SLC25A35: variants seen among roughly 807,000 people sequenced by gnomAD.
The protein encoded by SLC25A35 is solute carrier family 25, member 35.
In SLC25A35, 32 loss-of-function variants were observed where a neutral mutation model predicts 30.5. That is an observed-to-expected ratio of 1.05 (90% CI 0.79 to 1.41). The LOEUF (loss-of-function observed/expected upper bound fraction) is 1.41, where lower values mean the gene tolerates loss of function less well. SLC25A35 is among the 40% of genes most tolerant of loss of function. The pLI, the probability that SLC25A35 is intolerant of heterozygous loss-of-function variation, is 0.00. For missense variants in SLC25A35, 369 were observed against 388.0 expected (o/e 0.95, Z 0.41); for synonymous variants, 142 against 158.1 (o/e 0.90, Z 0.77).
rs1990375333 is a variant in SLC25A35 at position 8,290,193 on chromosome 17, G to C, written c.*312C>G. 1.4e-5 allele frequency: 20 copies of C among 1,430,254 alleles called. No individual in the cohort carries two copies. Among genetic ancestry groups the C allele is most frequent in the Admixed American group, 2.9e-5 (1 of 34,826 alleles). 88.6% of individuals were successfully genotyped at this position (1,430,254 alleles called of 1,614,324 possible). The stretch of plus-strand genomic sequence containing the variant: ...TTTGGAGGGAGGAGTTTAAAACTGT[G>C]CATGGGAGCAGGAGGGACTCAAGGG... On this transcript the variant is annotated 3_prime_UTR_variant, in exon 5 of 5. Transcript: ENST00000577745.
downstream of SLC25A35, chr17:8,289,354 C>A (rs1055325630): frequency 1.9e-6 from 3 of 1,614,134 alleles, no homozygotes; most frequent in South Asian, 3.3e-5. Context: ...CCCTGAGGGG[C>A]CGCTGTCAAG....
rs1370040522 is a variant in SLC25A35, at chr17:8,295,372, G to A, written c.-565C>T. On this transcript the variant is annotated 5_prime_UTR_variant, in exon 1 of 5. Transcript: ENST00000577745. Reference sequence around the variant, plus strand: ...GTAGCTTCAACCCCGGGTAGCCTGCGGAGGCCGGGCCGCCACACTCCTGCC... The same window carrying A: ...GTAGCTTCAACCCCGGGTAGCCTGCAGAGGCCGGGCCGCCACACTCCTGCC... The A allele has an allele frequency of 6.1e-6, 6 of 985,606 alleles. No individual in the cohort carries two copies. The highest frequency in any genetic ancestry group is 6.1e-5 in the Admixed American group (1 of 16,268). The allele number at this position is 985,606 out of a possible 1,614,324, so 61.1% of individuals were successfully genotyped here.
chr17:8,289,310 G>A (rs1990292207), downstream of SLC25A35: 3 of 1,614,016 alleles, frequency 1.9e-6, no homozygotes, highest in Admixed American at 1.7e-5. Context: ...TGTCCATGTG[G>A]AGTCTGTTCA....
At position 8,294,664 on chromosome 17, in the gene SLC25A35, A is replaced by G. The variant is rs367552065; in HGVS notation, c.144T>C (p.His48=). 1.9e-6 allele frequency: 3 copies of G among 1,614,088 alleles called. No homozygotes were observed. The highest frequency in any genetic ancestry group is 1.3e-5 in the African/African-American group (1 of 74,940). Residue 48 remains histidine (H), a synonymous_variant, in exon 1 of 5, where the codon CAT becomes CAC. Coordinates refer to ENST00000577745, the MANE Select transcript of SLC25A35 (RefSeq NM_001320870.2). Reference sequence around the variant, plus strand: ...CCACCTTGCCGATGGTGATGAAGGCATGGAAGACATTTCGGTAGTGCCGCT... The same window carrying G: ...CCACCTTGCCGATGGTGATGAAGGCGTGGAAGACATTTCGGTAGTGCCGCT... The part of the protein sequence containing the change: ...TYQRHYRNVF[H]AFITIGKVDG...
intron 2 of SLC25A35, 30 bp from the exon 3 acceptor site, chr17:8,291,515 C>A: frequency 6.3e-7 from 1 of 1,582,356 alleles, no homozygotes; most frequent in Non-Finnish European, 8.6e-7. Context: ...GGGTGGGGTT[C>A]AGACAGCCCA....
chr17:8,289,382 G>A (rs1158207303), downstream of SLC25A35: 1 of 1,614,128 alleles, frequency 6.2e-7, no homozygotes. Context: ...GGTCCTCTCT[G>A]GCAAGCAGCA....
At position 8,294,539 on chromosome 17, in the gene SLC25A35, C is replaced by T. The variant is rs750415930; in HGVS notation, c.269G>A (p.Gly90Glu). 9 of 1,613,898 alleles carry T rather than the reference C, an allele frequency of 5.6e-6. No homozygotes were observed. In the East Asian group the frequency reaches 2.0e-4, roughly 36 times the overall value. ...GCCTTCGGCTGTGTGCAGGTAGCCC[C>T]CAGCCTCAGCCAGCCCATAGGTGCC... ...RLGTYGLAEAGGYLHTAEGTH... is the reference protein window; with the variant it reads ...RLGTYGLAEAEGYLHTAEGTH... Residue 90 changes from glycine to glutamate, a missense_variant, in exon 1 of 5, where the codon GGG (glycine) becomes GAG (glutamate). Transcript: ENST00000577745.
intron 1 of SLC25A35, among the ~76,000 whole-genome samples, chr17:8,293,276 T>A (rs1369398185): frequency 6.6e-6 from 1 of 152,186 alleles, no homozygotes; most frequent in East Asian, 1.9e-4. Context: ...TTGTTAATTC[T>A]GTGATGCCCA....
rs1477970335 is a variant in SLC25A35 at position 8,291,820 on chromosome 17, C to T, written c.442-335G>A. Among the ~76,000 whole-genome samples, 4 of 152,292 alleles carry T rather than the reference C, an allele frequency of 2.6e-5. 1 individual carries two copies. The South Asian group carries it at 8.3e-4, about 32-fold the overall frequency. ...ATCCTAGCACTTTGGGAGGCCCAGG[C>T]GGGTGGATCACCTGAGGTCAGGAGT... On this transcript the variant is annotated intron_variant, in intron 2 of 4. Coordinates refer to ENST00000577745, the MANE Select transcript of SLC25A35 (RefSeq NM_001320870.2).
intron 1 of SLC25A35, among the ~76,000 whole-genome samples, chr17:8,293,930 T>G (rs199546055): frequency 2.6e-4 from 26 of 100,950 alleles, no homozygotes; most frequent in African/African-American, 4.7e-4. Flanking sequence ...TTTTTTTTTT[T>G]TGTGAGACGT....
intron 1 of SLC25A35, 45 bp from the exon 2 acceptor site, chr17:8,292,633 T>A (rs1407416517): frequency 6.3e-7 from 1 of 1,584,578 alleles, no homozygotes; most frequent in East Asian, 2.2e-5. Context: ...GTGGCCATCC[T>A]CCTACCTGAG....
At chr17:8,288,575 C>A, downstream of SLC25A35, 1 of 628,822 alleles carries the variant, frequency 1.6e-6, no homozygotes, top group Admixed American at 2.7e-5. Flanking sequence ...CCTAAGAGCG[C>A]GGCTTCCGGA....
downstream of SLC25A35, chr17:8,289,189 T>C: frequency 6.2e-7 from 1 of 1,603,896 alleles, no homozygotes; most frequent in South Asian, 1.1e-5. Flanking sequence ...GAGCCAGGCC[T>C]GCAACTTAAA....
At position 8,292,689 on chromosome 17, in the gene SLC25A35, A is replaced by G. The variant is rs551163699; in HGVS notation, c.376-101T>C. 1.2e-3 allele frequency: 1,168 copies of G among 936,928 alleles called. 31 individuals carry two copies. In the South Asian group the frequency reaches 0.015, roughly 12 times the overall value. 58.0% of individuals were successfully genotyped at this position (936,928 alleles called of 1,614,324 possible). ...CACACTTCCTCTAGGGTGTTCAGCA[A>G]TGAATAGCCTCTTACTCTGATTATT... On this transcript the variant is annotated intron_variant, in intron 1 of 4. Transcript: ENST00000577745.
downstream of SLC25A35, chr17:8,289,828 A>G: frequency 6.2e-7 from 1 of 1,614,050 alleles, no homozygotes; most frequent in Non-Finnish European, 8.5e-7. Context: ...ACAACAGGTC[A>G]TCTCTTGGCC....
downstream of SLC25A35, chr17:8,289,339 C>A (rs1215638683): frequency 1.9e-6 from 3 of 1,614,040 alleles, no homozygotes; most frequent in Non-Finnish European, 8.5e-7. Flanking sequence ...GTTTGGAGAA[C>A]CTGGCCCTGA....
Position 8,294,530 on chromosome 17 carries a change from A to C in SLC25A35, c.278T>G (p.Leu93Arg). 3.7e-6 allele frequency: 6 copies of C among 1,613,896 alleles called. No homozygotes were observed. The highest frequency in any genetic ancestry group is 5.1e-6 in the Non-Finnish European group (6 of 1,180,008). The part of the protein sequence containing the change: ...TYGLAEAGGY[L>R]HTAEGTHSPA... ...ACTGTGGGTGCCTTCGGCTGTGTGC[A>C]GGTAGCCCCCAGCCTCAGCCAGCCC... is the stretch of plus-strand genomic sequence containing the variant. Residue 93 changes from leucine to arginine, a missense_variant, in exon 1 of 5, where the codon CTG becomes CGG. Physicochemically the swap from Leu to Arg is moderately radical, Grantham distance 102. Transcript: ENST00000577745.
intron 1 of SLC25A35, 46 bp downstream of exon 1, chr17:8,294,384 TACA>T (rs776028016): frequency 5.7e-5 from 86 of 1,508,732 alleles, no homozygotes; most frequent in Non-Finnish European, 7.4e-5. Flanking sequence ...GCTCCTATCC[TACA>T]ACGAGGATCT....
rs370418707 is a variant in SLC25A35, at chr17:8,294,493, G to A, written c.315C>T (p.Ser105=). 1.4e-5 allele frequency: 23 copies of A among 1,611,394 alleles called. No individual in the cohort carries two copies. The African/African-American group carries it at 2.8e-4, about 20-fold the overall frequency. Residue 105 remains serine, a synonymous_variant, in exon 1 of 5, where the codon AGC becomes AGT. Transcript: ENST00000577745. The part of the protein sequence containing the change: ...TAEGTHSPAR[S]AAAGAMAGVM... ...CCCCAGCCATGGCCCCAGCTGCTGC[G>A]CTGCGGGCAGGACTGTGGGTGCCTT...
Sources: gnomAD v4.1 joint callset for allele counts (sites outside exome capture counted in the v4.1 genomes callset) on GRCh38, gnomAD v4.1.1 for gene constraint, MANE v1.5 for transcripts, NCBI Gene and HGNC (gene_info 2026-07-23, HGNC 2026-07-21) for gene names.